Variants in NVL observed in about 807,000 individuals in gnomAD.
NVL encodes nuclear VCP like.
In NVL, 84 loss-of-function variants were observed where a neutral mutation model predicts 110.2. That is an observed-to-expected ratio of 0.76 (90% CI 0.64 to 0.91). NVL has a LOEUF of 0.91. Among genes scored for constraint, NVL ranks in the 40% least tolerant of loss-of-function variants. NVL has a pLI of 0.00. For missense variants in NVL, 882 were observed against 1,035.9 expected, an observed-to-expected ratio of 0.85 and a Z score of 2.04; for synonymous variants, 354 against 361.1, an observed-to-expected ratio of 0.98 and a Z score of 0.22.
At chr1:224,231,498 G>A (rs1035444429) in intron 21 of NVL, among the ~76,000 whole-genome samples, 2 of 152,126 alleles carry the variant, frequency 1.3e-5, no homozygotes, top group Non-Finnish European at 2.9e-5. Context: ...CACCCAAAGA[G>A]ATCTGCCACT....
chr1:224,308,116 T>A lies in NVL; in HGVS notation c.490A>T (p.Thr164Ser), dbSNP rs1301583930. ...SSKTGSIPLK[T>S]PAKDSEGGWF... is the part of the protein sequence containing the mutation. ...CCTCCTTCAGAATCTTTGGCAGGGG[T>A]CTTCAAGGGAATGGAGCCTGTTTTG... is the stretch of plus-strand genomic sequence containing the variant. The change falls in exon 6 of 23, where the codon ACC becomes TCC. Residue 164 changes from threonine (T) to serine (S), a missense_variant. Coordinates refer to ENST00000281701, the MANE Select transcript of NVL (RefSeq NM_002533.4). 7 of 1,613,788 alleles carry A rather than the reference T, an allele frequency of 4.3e-6. No individual in the cohort carries two copies. Among genetic ancestry groups the A allele is most frequent in the Non-Finnish European group, 5.9e-6 (7 of 1,179,906 alleles).
At chr1:224,247,046 A>T (rs1661912681) in intron 19 of NVL, among the ~76,000 whole-genome samples, 1 of 147,596 alleles carries the variant, frequency 6.8e-6, no homozygotes, top group South Asian at 2.2e-4. Flanking sequence ...TTTTTTTGAC[A>T]TACTGTGTCA....
rs2102616523 is a variant in NVL at position 224,286,089 on chromosome 1, C to T, written c.1836G>A (p.Leu612=). ...CAAGGAGGACCCCAGCTGGAGTCAC[C>T]AATCCAAGAGCTTTGAACTGGTCTG... is the stretch of plus-strand genomic sequence containing the variant. ...RNPDQFKALG[L]VTPAGVLLAG... The change falls in exon 15 of 23, where the codon TTG becomes TTA. Residue 612 remains leucine (L), a synonymous_variant. Coordinates refer to ENST00000281701, the MANE Select transcript of NVL (RefSeq NM_002533.4). 2.5e-6 allele frequency: 4 copies of T among 1,614,118 alleles called. No homozygotes were observed. Among genetic ancestry groups the T allele is most frequent in the Non-Finnish European group, 2.5e-6 (3 of 1,180,014 alleles).
intron 10 of NVL, among the ~76,000 whole-genome samples, chr1:224,297,335 C>T (rs1468265179): frequency 6.6e-6 from 1 of 152,094 alleles, no homozygotes; most frequent in African/African-American, 2.4e-5. Context: ...GTGTAAAGAT[C>T]ACCTCCAGTT....
chr1:224,321,436 G>C (rs1026237296), intron 2 of NVL, among the ~76,000 whole-genome samples: 1 of 152,132 alleles, frequency 6.6e-6, no homozygotes, highest in Non-Finnish European at 1.5e-5. Flanking sequence ...GCTGAAACAG[G>C]CCAGGTGTAG....
intron 10 of NVL, among the ~76,000 whole-genome samples, 177 bp from the exon 11 acceptor site, chr1:224,296,795 C>G (rs1667925258): frequency 1.3e-5 from 2 of 152,072 alleles, no homozygotes; most frequent in African/African-American, 4.8e-5. Flanking sequence ...CTTAAGAGAA[C>G]CAAGATGATT....
intron 22 of NVL, among the ~76,000 whole-genome samples, chr1:224,230,372 A>AGTGTTT (rs1659734949): frequency 6.6e-6 from 1 of 152,190 alleles, no homozygotes; most frequent in Admixed American, 6.5e-5. Flanking sequence ...TGGGAGGCCA[A>AGTGTTT]GGCGGGTGGA....
chr1:224,267,025 A>G (rs978535713), intron 18 of NVL, among the ~76,000 whole-genome samples: 2 of 152,224 alleles, frequency 1.3e-5, no homozygotes, highest in African/African-American at 4.8e-5. Context: ...TAGATCTTCA[A>G]AAATCCTTGC....
At chr1:224,259,724 C>T (rs1181399009) in intron 18 of NVL, among the ~76,000 whole-genome samples, 2 of 151,912 alleles carry the variant, frequency 1.3e-5, no homozygotes, top group Non-Finnish European at 2.9e-5. Flanking sequence ...GCACAATCTC[C>T]GCTCATTACA....
chr1:224,276,389 CACT>C (rs767603463), intron 16 of NVL, among the ~76,000 whole-genome samples: 1 of 152,066 alleles, frequency 6.6e-6, no homozygotes, highest in Non-Finnish European at 1.5e-5. Flanking sequence ...GGCATACCAC[CACT>C]ACCACCTGGC....
chr1:224,274,987 T>C (rs1286880536), intron 17 of NVL, among the ~76,000 whole-genome samples: 2 of 152,238 alleles, frequency 1.3e-5, no homozygotes, highest in South Asian at 4.1e-4. Flanking sequence ...TATCTTAAAC[T>C]GTATGTTTTC....
At chr1:224,264,934 A>T (rs1402606952) in intron 18 of NVL, among the ~76,000 whole-genome samples, 1 of 151,816 alleles carries the variant, frequency 6.6e-6, no homozygotes, top group Non-Finnish European at 1.5e-5. Context: ...TTTTTAGTAG[A>T]GACGGGGTTT....
chr1:224,247,506 T>TA, intron 19 of NVL, among the ~76,000 whole-genome samples: 1 of 151,992 alleles, frequency 6.6e-6, no homozygotes, highest in Middle Eastern at 3.4e-3. Context: ...CCGTCTCTAC[T>TA]AAAAATACAA....
chr1:224,294,126 C>T, intron 12 of NVL, 141 bp downstream of exon 12: 3 of 917,860 alleles, frequency 3.3e-6, no homozygotes, highest in Non-Finnish European at 4.9e-6. Context: ...ATGTGGGCTT[C>T]TCCTTTTCCA....
intron 17 of NVL, among the ~76,000 whole-genome samples, chr1:224,272,506 T>G (rs1009415773): frequency 2.0e-5 from 3 of 149,832 alleles, no homozygotes; most frequent in African/African-American, 7.4e-5. Flanking sequence ...TCACCTGAGG[T>G]CAGGAGTTCA....
At chr1:224,247,586 C>T (rs991793064) in intron 19 of NVL, among the ~76,000 whole-genome samples, 1 of 151,836 alleles carries the variant, frequency 6.6e-6, no homozygotes, top group African/African-American at 2.4e-5. Context: ...GGAGAATCAC[C>T]TGAATGCGGG....
chr1:224,281,213 A>C, intron 15 of NVL, 28 bp from the exon 16 acceptor site: 1 of 1,551,028 alleles, frequency 6.4e-7, no homozygotes, highest in Non-Finnish European at 8.9e-7. Context: ...AAAGACACAA[A>C]TAAGACCAAT....
chr1:224,237,808 G>A (rs1173924375), intron 19 of NVL, among the ~76,000 whole-genome samples: 1 of 145,848 alleles, frequency 6.9e-6, no homozygotes, highest in Non-Finnish European at 1.5e-5. Flanking sequence ...TGTCTCCTAG[G>A]AGCGATGGGG....
At chr1:224,230,414 C>T (rs1410842825) in intron 22 of NVL, among the ~76,000 whole-genome samples, 1 of 152,022 alleles carries the variant, frequency 6.6e-6, no homozygotes, top group Non-Finnish European at 1.5e-5. Context: ...ACCAGCCTCA[C>T]CAATATGGTG....
Sources: gnomAD v4.1 joint callset for allele counts (sites outside exome capture counted in the v4.1 genomes callset) on GRCh38, gnomAD v4.1.1 for gene constraint, MANE v1.5 for transcripts, NCBI Gene and HGNC (gene_info 2026-07-23, HGNC 2026-07-21) for gene names.